The following USP37 variants were observed in gnomAD, a reference collection of about 807,000 sequenced individuals.
The protein encoded by USP37 is ubiquitin specific peptidase 37, also known as ubiquitin carboxyl-terminal hydrolase 37.
In USP37, 27 loss-of-function variants were observed where a neutral mutation model predicts 124.0. The ratio of observed to expected loss-of-function variants is 0.22; its 90% CI spans 0.16 to 0.30. The LOEUF (loss-of-function observed/expected upper bound fraction) is 0.30, where lower values mean the gene tolerates loss of function less well. Ranked by LOEUF, USP37 falls within the 10% of genes least tolerant of loss-of-function variation. USP37 has a pLI of 1.00. For missense variants in USP37, 889 were observed against 1,140.4 expected (o/e 0.78, Z 3.17); for synonymous variants, 365 against 388.0 (o/e 0.94, Z 0.70).
chr2:218,464,965 A>G (rs1690231945), intron 21 of USP37, among the ~76,000 whole-genome samples: 1 of 152,104 alleles, frequency 6.6e-6, no homozygotes, highest in Admixed American at 6.6e-5. Context: ...CTGTGGTCCC[A>G]TGTACTTGAG....
At chr2:218,531,555 G>A (rs746598700) in intron 9 of USP37, among the ~76,000 whole-genome samples, 2 of 152,184 alleles carry the variant, frequency 1.3e-5, no homozygotes, top group Non-Finnish European at 2.9e-5. Context: ...ATGGATCAAG[G>A]AGTCATTTCA....
At chr2:218,530,349 C>T (rs1431567033) in intron 9 of USP37, among the ~76,000 whole-genome samples, 1 of 152,122 alleles carries the variant, frequency 6.6e-6, no homozygotes, top group Non-Finnish European at 1.5e-5. Context: ...GTAATTCTTG[C>T]AATGTTTCAA....
chr2:218,563,857 C>A (rs1693444115), intron 1 of USP37, among the ~76,000 whole-genome samples: 1 of 152,056 alleles, frequency 6.6e-6, no homozygotes, highest in Non-Finnish European at 1.5e-5. Flanking sequence ...AGTTCGAGAC[C>A]AGCCTGGCCA....
chr2:218,567,762 ACAATT>A (rs1435943038), intron 1 of USP37, among the ~76,000 whole-genome samples: 1 of 152,214 alleles, frequency 6.6e-6, no homozygotes, highest in Non-Finnish European at 1.5e-5. Flanking sequence ...CAACAAAAAT[ACAATT>A]CATGTTTTGC....
chr2:218,561,516 G>C (rs752781198), intron 2 of USP37, among the ~76,000 whole-genome samples: 4 of 152,150 alleles, frequency 2.6e-5, no homozygotes, highest in Non-Finnish European at 5.9e-5. Context: ...AAATTAGCCA[G>C]GTGTGGTGGC....
chr2:218,562,650 T>C, intron 2 of USP37, 23 bp downstream of exon 2: 2 of 398,186 alleles, frequency 5.0e-6, no homozygotes, highest in Non-Finnish European at 8.9e-6. Flanking sequence ...GAAACATATA[T>C]CCAAAACAAA....
chr2:218,516,560 G>A (rs907031975), intron 10 of USP37, among the ~76,000 whole-genome samples: 2 of 152,214 alleles, frequency 1.3e-5, no homozygotes, highest in Non-Finnish European at 2.9e-5. Context: ...GGCAAGGGGA[G>A]GGAGAGCATT....
At chr2:218,532,326 T>C (rs770422759) in intron 9 of USP37, among the ~76,000 whole-genome samples, 5 of 151,838 alleles carry the variant, frequency 3.3e-5, no homozygotes, top group African/African-American at 1.2e-4. Flanking sequence ...ATTAGCTGCA[T>C]GTAGTGGTGT....
chr2:218,519,558 G>A (rs1292351236), intron 10 of USP37, among the ~76,000 whole-genome samples: 11 of 152,104 alleles, frequency 7.2e-5, no homozygotes, highest in Admixed American at 6.5e-4. Flanking sequence ...TTCAGCCAAC[G>A]TGCTTGGGAA....
chr2:218,511,886 T>C (rs1690021859), intron 10 of USP37, among the ~76,000 whole-genome samples: 1 of 152,092 alleles, frequency 6.6e-6, no homozygotes, highest in Admixed American at 6.6e-5. Flanking sequence ...GCACAGAAAT[T>C]TTTTCCTGTA....
At chr2:218,465,044 A>T (rs977327756) in intron 21 of USP37, among the ~76,000 whole-genome samples, 3 of 152,222 alleles carry the variant, frequency 2.0e-5, no homozygotes, top group Non-Finnish European at 4.4e-5. Context: ...AAGCCACTAC[A>T]TTCCAGCCTG....
intron 2 of USP37, among the ~76,000 whole-genome samples, chr2:218,562,079 CA>C (rs1351821143): frequency 6.6e-6 from 1 of 152,134 alleles, no homozygotes; most frequent in African/African-American, 2.4e-5. Flanking sequence ...TTGGCAGAAC[CA>C]ATATAATAAA....
At chr2:218,525,653 T>G (rs991849893) in intron 10 of USP37, among the ~76,000 whole-genome samples, 17 of 152,202 alleles carry the variant, frequency 1.1e-4, no homozygotes, top group Non-Finnish European at 2.2e-4. Context: ...GAGGATGTAT[T>G]TTCTTTCGGG....
At chr2:218,532,798 T>G (rs1191662241) in intron 9 of USP37, among the ~76,000 whole-genome samples, 1 of 151,622 alleles carries the variant, frequency 6.6e-6, no homozygotes, top group Non-Finnish European at 1.5e-5. Flanking sequence ...GGCATGGTGG[T>G]GTGCACCTGT....
chr2:218,470,967 G>A (rs1453707436), intron 20 of USP37, among the ~76,000 whole-genome samples: 1 of 152,184 alleles, frequency 6.6e-6, no homozygotes, highest in Non-Finnish European at 1.5e-5. Flanking sequence ...GGGAGGGAGA[G>A]AGGGAGGGAG....
At chr2:218,488,979 A>C (rs1691753195) in intron 14 of USP37, among the ~76,000 whole-genome samples, 1 of 152,164 alleles carries the variant, frequency 6.6e-6, no homozygotes, top group Admixed American at 6.5e-5. Context: ...TTAAAAAACT[A>C]AAGTATAACA....
intron 21 of USP37, 22 bp downstream of exon 21, chr2:218,465,988 T>C (rs762683234): frequency 3.8e-6 from 6 of 1,598,742 alleles, no homozygotes; most frequent in Non-Finnish European, 5.1e-6. Flanking sequence ...ACAGAGAAAG[T>C]AGCAATATAA....
At position 218,546,297 on chromosome 2, in the gene USP37, T is replaced by C. The variant is rs779800602; in HGVS notation, c.604A>G (p.Thr202Ala). 3 of 1,609,282 alleles carry C rather than the reference T, an allele frequency of 1.9e-6. No homozygotes were observed. The Admixed American group carries it at 5.0e-5, about 27-fold the overall frequency. ...PLRSGLLENR[T>A]EKRKRMISTG... ...GATATCATTCTTTTCCTCTTTTCAG[T>C]ACTACAGAGAACAAAGAAAAGGTTA... Residue 202 changes from threonine (T) to alanine (A), a missense_variant and splice_region_variant, in exon 8 of 26, where the codon ACT becomes GCT. Thr to Ala is a moderately conservative substitution (Grantham distance 58). Coordinates refer to ENST00000258399, the MANE Select transcript of USP37 (RefSeq NM_020935.3).
chr2:218,471,824 G>A (rs986899779), intron 20 of USP37, among the ~76,000 whole-genome samples: 2 of 151,940 alleles, frequency 1.3e-5, no homozygotes, highest in East Asian at 1.9e-4. Flanking sequence ...TCAGGAGTTC[G>A]AGACCAGCCT....
Sources: allele counts gnomAD v4.1 joint callset (sites outside exome capture counted in the v4.1 genomes callset), GRCh38; gene constraint gnomAD v4.1.1; transcripts MANE v1.5; gene names NCBI Gene and HGNC (gene_info 2026-07-23, HGNC 2026-07-21).